Variants in TCL1B observed in about 807,000 individuals in gnomAD.
The protein encoded by TCL1B is T-cell leukemia/lymphoma protein 1B.
Under a neutral mutation model 16.9 loss-of-function variants are expected in TCL1B, and 14 were observed. That is an observed-to-expected ratio of 0.83 (90% CI 0.55 to 1.30). TCL1B has a LOEUF of 1.30. Ranked by LOEUF, TCL1B falls within the 50% of genes most tolerant of loss-of-function variation. The pLI is 0.00. For synonymous variants in TCL1B, 79 were observed against 66.6 expected, an observed-to-expected ratio of 1.19 and a Z score of -0.91; for missense variants, 166 against 165.2, an observed-to-expected ratio of 1.00 and a Z score of -0.03.
intron 2 of TCL1B, 23 bp downstream of exon 2, chr14:95,690,929 T>G (rs1595341515): frequency 6.2e-7 from 1 of 1,607,470 alleles, no homozygotes. Flanking sequence ...TGGTTCTAGG[T>G]GAAAGCGACA....
In TCL1B at chr14:95,686,505, C is replaced by T. The variant is rs1384347907; in HGVS notation, c.38C>T (p.Pro13Leu). 1 of 1,612,836 alleles carries T rather than the reference C, an allele frequency of 6.2e-7. No homozygotes were observed. ...GCTTCTGTGCGTCTAGGGGTGCCCC[C>T]TGGCCGTCTGTGGATCCAGAGGCCT... is the stretch of plus-strand genomic sequence containing the variant. ...SEASVRLGVPPGRLWIQRPGI... is the reference protein window; with the variant it reads ...SEASVRLGVPLGRLWIQRPGI... Residue 13 changes from proline to leucine, a missense_variant, in exon 1 of 4, where the codon CCT (proline) becomes CTT (leucine). Transcript: ENST00000340722.
At chr14:95,687,482 C>T (rs1050935962) in intron 1 of TCL1B, among the ~76,000 whole-genome samples, 1 of 152,252 alleles carries the variant, frequency 6.6e-6, no homozygotes, top group Admixed American at 6.5e-5. Flanking sequence ...CTAATAACAC[C>T]TAATGCTACA....
intron 1 of TCL1B, 85 bp downstream of exon 1, chr14:95,686,714 G>A (rs892226018): frequency 2.8e-6 from 4 of 1,447,862 alleles, no homozygotes; most frequent in African/African-American, 2.8e-5. Flanking sequence ...GGTCAGAGGG[G>A]GCCGTTCTCA....
rs142079681 is a variant in TCL1B, at chr14:95,686,807, G to T, written c.162+178G>T. On this transcript the variant is annotated intron_variant, in intron 1 of 3. Transcript: ENST00000340722. ...AGCCCTGGCCCCAGGAACACCCCCC[G>T]TAAAGGGACCACAGGCACAAGCTTA... is the stretch of plus-strand genomic sequence containing the variant. Among the ~76,000 whole-genome samples the T allele has an allele frequency of 3.3e-5, 5 of 152,310 alleles. No homozygotes were observed. In the East Asian group the frequency reaches 9.7e-4, roughly 29 times the overall value.
intron 1 of TCL1B, among the ~76,000 whole-genome samples, chr14:95,690,134 C>T (rs1885848531): frequency 6.6e-6 from 1 of 152,198 alleles, no homozygotes; most frequent in Non-Finnish European, 1.5e-5. Flanking sequence ...TCCCGAGTAG[C>T]TGGGACTGTA....
At chr14:95,691,389 A>G in intron 3 of TCL1B, 53 bp downstream of exon 3, 1 of 1,533,810 alleles carries the variant, frequency 6.5e-7, no homozygotes, top group Non-Finnish European at 8.9e-7. Context: ...AAGTGAGAAG[A>G]CCTCTCCTCT....
intron 1 of TCL1B, among the ~76,000 whole-genome samples, chr14:95,689,041 CT>C (rs1375029718): frequency 2.0e-5 from 3 of 152,094 alleles, no homozygotes; most frequent in African/African-American, 4.8e-5. Flanking sequence ...AATCCCAGCA[CT>C]TTGGGGGGCC....
intron 1 of TCL1B, 94 bp from the exon 2 acceptor site, chr14:95,690,642 C>G (rs904315564): frequency 9.3e-6 from 13 of 1,393,082 alleles, no homozygotes; most frequent in Non-Finnish European, 1.3e-5. Context: ...ACATTTACCT[C>G]TGACCCTGGC....
At chr14:95,688,571 T>G (rs1011928456) in intron 1 of TCL1B, among the ~76,000 whole-genome samples, 1 of 152,178 alleles carries the variant, frequency 6.6e-6, no homozygotes, top group East Asian at 1.9e-4. Flanking sequence ...TCTGGATATA[T>G]ACCCACAAGA....
At chr14:95,691,411 C>T (rs559402715) in intron 3 of TCL1B, 75 bp downstream of exon 3, 16 of 1,395,974 alleles carry the variant, frequency 1.1e-5, no homozygotes, top group South Asian at 5.0e-5. Flanking sequence ...TTCAGAAAGA[C>T]GGCGTGGCCT....
At chr14:95,686,949 G>A (rs572979068) in intron 1 of TCL1B, among the ~76,000 whole-genome samples, 1 of 152,364 alleles carries the variant, frequency 6.6e-6, no homozygotes, top group East Asian at 1.9e-4. Context: ...ATTGAGCTGG[G>A]CTTTGTGGGA....
rs774175119 is a variant in TCL1B, at chr14:95,686,644, C to T, written c.162+15C>T. 3.1e-6 allele frequency: 5 copies of T among 1,593,286 alleles called. No individual in the cohort carries two copies. The highest frequency in any genetic ancestry group is 4.5e-5 in the East Asian group (2 of 44,666). ...AGGGCAGCAGAGTGAGTCCTGGGCACGAGGGGAGGCTGTGGGGAGGGCTGC... is the reference window on the plus strand; with the variant it reads ...AGGGCAGCAGAGTGAGTCCTGGGCATGAGGGGAGGCTGTGGGGAGGGCTGC... On this transcript the variant is annotated intron_variant, in intron 1 of 3. Transcript: ENST00000340722.
chr14:95,687,337 C>T (rs897027707), intron 1 of TCL1B, among the ~76,000 whole-genome samples: 6 of 152,088 alleles, frequency 3.9e-5, no homozygotes, highest in African/African-American at 1.2e-4. Context: ...AATACAGTAG[C>T]GTTTCTGGTG....
chr14:95,687,486 T>G (rs1216843279), intron 1 of TCL1B, among the ~76,000 whole-genome samples: 1 of 152,174 alleles, frequency 6.6e-6, no homozygotes, highest in Non-Finnish European at 1.5e-5. Context: ...TAACACCTAA[T>G]GCTACACCTA....
At position 95,686,590 on chromosome 14, in the gene TCL1B, C is replaced by T. The variant is rs1885765648; in HGVS notation, c.123C>T (p.Pro41=). Residue 41 remains proline, a synonymous_variant, in exon 1 of 4, where the codon CCC becomes CCT. Coordinates refer to ENST00000340722, the MANE Select transcript of TCL1B (RefSeq NM_004918.4). ...TGACTGTGGTCGTGCGGTTCAATCC[C>T]TCGCGTAGGGAATGGGCCAGGGCCT... The part of the protein sequence containing the change: ...TWVTVVVRFN[P]SRREWARASQ... 1 of 1,613,294 alleles carries T rather than the reference C, an allele frequency of 6.2e-7. No homozygotes were observed. The highest frequency in any genetic ancestry group is 8.5e-7 in the Non-Finnish European group (1 of 1,179,614).
chr14:95,690,845 AC>A lies in TCL1B; in HGVS notation c.276del (p.Arg94GlyfsTer13). The A allele has an allele frequency of 6.2e-7, 1 of 1,613,956 alleles. No individual in the cohort carries two copies. Among genetic ancestry groups the A allele is most frequent in the South Asian group, 1.1e-5 (1 of 91,068 alleles). On this transcript the variant is annotated frameshift_variant, in exon 2 of 4. Coordinates refer to ENST00000340722, the MANE Select transcript of TCL1B (RefSeq NM_004918.4). LOFTEE classifies it high-confidence loss of function. ...FSQLPAVWQL[Y>X]PGRKYRAADS... is the part of the protein sequence containing the mutation. ...CAGCTGCCCGCCGTGTGGCAGCTCTACCCCGGGAGGAAGTACCGAGCAGCGG... is the reference window on the plus strand; with the variant it reads ...CAGCTGCCCGCCGTGTGGCAGCTCTACCCGGGAGGAAGTACCGAGCAGCGG...
chr14:95,691,265 C>A lies in TCL1B; in HGVS notation c.334-3C>A, dbSNP rs1234452535. On this transcript the variant is annotated splice_region_variant and splice_polypyrimidine_tract_variant and intron_variant, in intron 2 of 3. Transcript: ENST00000340722. ...GTTCTGATGGCTGCTCCCTCTCCTGCAGATTGACTCTATGGAGCAGCTGGT... is the reference window on the plus strand; with the variant it reads ...GTTCTGATGGCTGCTCCCTCTCCTGAAGATTGACTCTATGGAGCAGCTGGT... 10 of 1,613,400 alleles carry A rather than the reference C, an allele frequency of 6.2e-6. No homozygotes were observed. In the East Asian group the frequency reaches 2.0e-4, roughly 32 times the overall value.
At chr14:95,686,702 G>A in intron 1 of TCL1B, 73 bp downstream of exon 1, 1 of 1,475,144 alleles carries the variant, frequency 6.8e-7, no homozygotes, top group Non-Finnish European at 9.0e-7. Context: ...GACCGCGGTG[G>A]GGGTCAGAGG....
intron 1 of TCL1B, among the ~76,000 whole-genome samples, chr14:95,688,656 G>A (rs1885812094): frequency 6.6e-6 from 1 of 152,214 alleles, no homozygotes; most frequent in Non-Finnish European, 1.5e-5. Flanking sequence ...GCCAAAAGGT[G>A]GTGGCAGCCC....
Sources: gnomAD v4.1 joint callset for allele counts (sites outside exome capture counted in the v4.1 genomes callset) on GRCh38, gnomAD v4.1.1 for gene constraint, MANE v1.5 for transcripts, NCBI Gene and HGNC (gene_info 2026-07-23, HGNC 2026-07-21) for gene names.